Variants in LRP1 observed in about 807,000 individuals in gnomAD.
LRP1 encodes the protein prolow-density lipoprotein receptor-related protein 1.
A neutral mutation model predicts 541.5 loss-of-function variants in LRP1; 51 were observed. That is an observed-to-expected ratio of 0.09 (90% CI 0.08 to 0.12). LRP1 has a LOEUF of 0.12. Ranked by LOEUF, LRP1 falls within the 10% of genes least tolerant of loss-of-function variation. LRP1 has a pLI of 1.00. For missense variants in LRP1, 3,878 were observed against 6,376.2 expected, an observed-to-expected ratio of 0.61 and a Z score of 13.34; for synonymous variants, 2,219 against 2,470.8, an observed-to-expected ratio of 0.90 and a Z score of 3.02.
intron 3 of LRP1, among the ~76,000 whole-genome samples, chr12:57,143,447 G>T (rs572495928): frequency 2.0e-5 from 3 of 152,276 alleles, no homozygotes; most frequent in East Asian, 1.9e-4. Flanking sequence ...GAGACATGTG[G>T]GTTCTAAGCC....
At chr12:57,141,724 G>GA (rs1324862671) in intron 3 of LRP1, among the ~76,000 whole-genome samples, 1 of 152,224 alleles carries the variant, frequency 6.6e-6, no homozygotes, top group Admixed American at 6.5e-5. Flanking sequence ...GCTGTAGCCT[G>GA]GGCACTTCCC....
intron 6 of LRP1, among the ~76,000 whole-genome samples, chr12:57,148,586 A>G (rs557835873): frequency 1.3e-4 from 20 of 152,160 alleles, no homozygotes; most frequent in Non-Finnish European, 2.5e-4. Context: ...GCATTTCCTA[A>G]GCTGAGCTCC....
chr12:57,193,696 C>T lies in LRP1; in HGVS notation c.7804+11C>T, dbSNP rs778253289. The T allele has an allele frequency of 9.3e-6, 15 of 1,613,970 alleles. No homozygotes were observed. The highest frequency in any genetic ancestry group is 5.0e-5 in the Admixed American group (3 of 59,990). On this transcript the variant is annotated intron_variant, in intron 47 of 88. Coordinates refer to ENST00000243077, the MANE Select transcript of LRP1 (RefSeq NM_002332.3). ...AGATCCCTTGCAACAGTGAGTGAGG[C>T]GCACTGGCATAACCCATCTGTACCT...
chr12:57,210,767 C>T lies in LRP1; in HGVS notation c.12804C>T (p.Thr4268=), dbSNP rs986864468. The T allele has an allele frequency of 6.2e-7, 1 of 1,612,394 alleles. No homozygotes were observed. Among genetic ancestry groups the T allele is most frequent in the Admixed American group, 1.7e-5 (1 of 60,004 alleles). Residue 4268 remains threonine (T), a synonymous_variant, in exon 83 of 89, where the codon ACC becomes ACT. Coordinates refer to ENST00000243077, the MANE Select transcript of LRP1 (RefSeq NM_002332.3). ...CPTGFTGPKC[T]QQVCAGYCAN... ...CGGGCTTCACGGGCCCCAAATGCAC[C>T]CAGCAGGTGTGTGCGGGCTACTGTG...
rs181151601 is a variant in LRP1 at position 57,185,422 on chromosome 12, T to C, written c.6464-109T>C. 36 of 1,412,126 alleles carry C rather than the reference T, an allele frequency of 2.5e-5. No individual in the cohort carries two copies. The highest frequency in any genetic ancestry group is 1.5e-4 in the Admixed American group (6 of 41,042). The allele number at this position is 1,412,126 out of a possible 1,614,324, so 87.5% of individuals were successfully genotyped here. ...CTGGGCCCTGGAGGGTCATTCAAGC[T>C]GGGAATACCGAGGCAGAGGGCAGAG... is the stretch of plus-strand genomic sequence containing the variant. On this transcript the variant is annotated intron_variant, in intron 40 of 88. Transcript: ENST00000243077. This position sits in a 1 kb window ranked among gnomAD's most constrained non-coding sequence, Gnocchi z 4.9.
chr12:57,169,488 A>G (rs2035903493), intron 20 of LRP1, among the ~76,000 whole-genome samples, 181 bp downstream of exon 20: 9 of 152,226 alleles, frequency 5.9e-5, no homozygotes, highest in Admixed American at 5.9e-4. Flanking sequence ...AGGTTGCCGA[A>G]AAATCATTGC....
chr12:57,184,179 C>A lies in LRP1; in HGVS notation c.6024C>A (p.Asp2008Glu). The A allele has an allele frequency of 6.2e-7, 1 of 1,614,122 alleles. No homozygotes were observed. Among genetic ancestry groups the A allele is most frequent in the Non-Finnish European group, 8.5e-7 (1 of 1,179,992 alleles). ...ACGTGGTGATCTCCCAGGGTCTAGA[C>A]AAGCCCCGGGCCATCACCGTCCACC... ...FRYVVISQGL[D>E]KPRAITVHPE... The change falls in exon 37 of 89, where the codon GAC (aspartate) becomes GAA (glutamate). Residue 2008 changes from aspartate to glutamate, a missense_variant. Asp to Glu is a conservative substitution (Grantham distance 45). This residue lies in a region of LRP1 where 394 missense variants were observed against 635.9 expected (regional missense o/e 0.62). Coordinates refer to ENST00000243077, the MANE Select transcript of LRP1 (RefSeq NM_002332.3). The surrounding 1 kb of genome is among the most constrained non-coding windows in gnomAD (Gnocchi z 7.8).
intron 42 of LRP1, among the ~76,000 whole-genome samples, chr12:57,188,824 T>C (rs2036321555): frequency 6.6e-6 from 1 of 152,044 alleles, no homozygotes; most frequent in African/African-American, 2.4e-5. Context: ...TCAGGGAACG[T>C]GTCCTTGAAG....
chr12:57,161,018 A>G lies in LRP1; in HGVS notation c.2105A>G (p.Asn702Ser), dbSNP rs1156958186. 1 of 1,613,812 alleles carries G rather than the reference A, an allele frequency of 6.2e-7. No homozygotes were observed. Among genetic ancestry groups the G allele is most frequent in the Admixed American group, 1.7e-5 (1 of 59,980 alleles). Residue 702 changes from asparagine to serine, a missense_variant, in exon 13 of 89, where the codon AAT becomes AGT. Around this residue, in one of 13 missense-constraint regions of LRP1, gnomAD observed 496 missense variants for 861.0 expected, o/e 0.58. Transcript: ENST00000243077. ...ACCTCCAAGACAGTGCTTTGGCCCAATGGGCTAAGCCTGGACATCCCGGCT... is the reference window on the plus strand; with the variant it reads ...ACCTCCAAGACAGTGCTTTGGCCCAGTGGGCTAAGCCTGGACATCCCGGCT... ...FVTSKTVLWP[N>S]GLSLDIPAGR...
At chr12:57,149,849 C>T in intron 6 of LRP1, 1 of 679,650 alleles carries the variant, frequency 1.5e-6, no homozygotes, top group Non-Finnish European at 2.7e-6. Context: ...TCCTTCCCAC[C>T]TTCGAAGTCC....
chr12:57,203,111 C>A, intron 68 of LRP1, 70 bp from the exon 69 acceptor site: 2 of 1,139,522 alleles, frequency 1.8e-6, no homozygotes, highest in Admixed American at 2.4e-5. Flanking sequence ...GGGCTCGGGA[C>A]TGTGGCACTA....
chr12:57,136,387 T>G (rs1467412111), intron 1 of LRP1, among the ~76,000 whole-genome samples: 1 of 111,200 alleles, frequency 9.0e-6, no homozygotes, highest in African/African-American at 3.4e-5. Flanking sequence ...ACTCCCTCCC[T>G]CCTAAGAGCC....
intron 64 of LRP1, 75 bp downstream of exon 64, chr12:57,200,890 A>T: frequency 6.9e-7 from 1 of 1,444,476 alleles, no homozygotes; most frequent in African/African-American, 1.6e-5. Flanking sequence ...TTTCAAGTGC[A>T]GGGAAGTTGC....
Position 57,166,016 on chromosome 12 carries a change from A to G in LRP1, c.2672-68A>G, listed in dbSNP as rs555228204. 1.6e-4 allele frequency: 251 copies of G among 1,613,492 alleles called. No individual in the cohort carries two copies. The African/African-American group carries it at 2.2e-3, about 14-fold the overall frequency. On this transcript the variant is annotated intron_variant, in intron 16 of 88. Transcript: ENST00000243077. ...GGGCAGCTCGGCTCTGGCAGTGCCTATACTGGAGCGGGCAGGAAGCTGGGG... is the reference window on the plus strand; with the variant it reads ...GGGCAGCTCGGCTCTGGCAGTGCCTGTACTGGAGCGGGCAGGAAGCTGGGG...
chr12:57,135,316 G>A (rs967903909), intron 1 of LRP1, among the ~76,000 whole-genome samples: 1 of 152,188 alleles, frequency 6.6e-6, no homozygotes, highest in African/African-American at 2.4e-5. Flanking sequence ...CATCTAAACT[G>A]CAGGCCACAA....
chr12:57,166,993 C>A lies in LRP1; in HGVS notation c.2861C>A (p.Thr954Lys). 6.2e-7 allele frequency: 1 copy of A among 1,614,118 alleles called. No individual in the cohort carries two copies. The highest frequency in any genetic ancestry group is 8.5e-7 in the Non-Finnish European group (1 of 1,180,014). The stretch of plus-strand genomic sequence containing the variant: ...GGCCGCTGCATCCCCATCTCCTGGA[C>A]GTGTGATCTGGATGACGACTGTGGG... ...ASGRCIPISW[T>K]CDLDDDCGDR... Residue 954 changes from threonine to lysine, a missense_variant, in exon 18 of 89, where the codon ACG (threonine) becomes AAG (lysine). Transcript: ENST00000243077.
chr12:57,196,932 G>T (rs1419788681), intron 55 of LRP1, 50 bp from the exon 56 acceptor site: 10 of 1,509,786 alleles, frequency 6.6e-6, no homozygotes, highest in Non-Finnish European at 8.1e-6. Flanking sequence ...TCCAGGGTGG[G>T]AGGCCCAGAC....
intron 20 of LRP1, 87 bp downstream of exon 20, chr12:57,169,394 G>A (rs566498258): frequency 8.7e-5 from 114 of 1,304,602 alleles, no homozygotes; most frequent in Middle Eastern, 4.0e-4. Context: ...TCAGACCCAC[G>A]GTGTGTCGGC....
rs532949458 is a variant in LRP1 at position 57,195,211 on chromosome 12, C to A, written c.8309-60C>A. The A allele has an allele frequency of 2.0e-4, 326 of 1,598,738 alleles. 4 individuals are homozygous for A. The South Asian group carries it at 3.3e-3, about 16-fold the overall frequency. ...GCAGACGACGGCGAACCATCACCTC[C>A]ACTGCTAGACCTGATCTACCCGCTC... On this transcript the variant is annotated intron_variant, in intron 51 of 88. Coordinates refer to ENST00000243077, the MANE Select transcript of LRP1 (RefSeq NM_002332.3).
Sources: gnomAD v4.1 joint callset for allele counts (sites outside exome capture counted in the v4.1 genomes callset) on GRCh38, gnomAD v4.1.1 for gene constraint, gnomAD v4.1.1 regional missense constraint, Gnocchi (gnomAD v3.1) non-coding constraint, MANE v1.5 for transcripts, NCBI Gene and HGNC (gene_info 2026-07-23, HGNC 2026-07-21) for gene names.